Variants in NALF1 observed in about 807,000 individuals in gnomAD.
NALF1 encodes family with sequence similarity 155 member A.
A neutral mutation model predicts 48.4 loss-of-function variants in NALF1; 3 were observed. The observed-to-expected ratio is 0.06, with a 90% CI of 0.03 to 0.16. NALF1 has a LOEUF of 0.16. NALF1 is among the 10% of genes least tolerant of loss of function. The probability of loss-of-function intolerance (pLI) is 1.00; values close to 1 mark genes in which losing one functional copy is unlikely to be tolerated. For missense variants in NALF1, 526 were observed against 571.5 expected, an observed-to-expected ratio of 0.92 and a Z score of 0.81; for synonymous variants, 262 against 245.7, an observed-to-expected ratio of 1.07 and a Z score of -0.62.
At position 107,720,694 on chromosome 13, in the gene NALF1, T is replaced by C. The variant is rs115790667; in HGVS notation, c.915+144988A>G. On this transcript the variant is annotated intron_variant, in intron 1 of 2. Transcript: ENST00000375915. ...AAAGGAACTTAGCTAGGGAACCAGA[T>C]AGAATTTGTTATTTTCACAAGCATT... Among the ~76,000 whole-genome samples, 1,069 of 152,138 alleles carry C rather than the reference T, an allele frequency of 7.0e-3. 14 individuals carry two copies. Among genetic ancestry groups the C allele is most frequent in the African/African-American group, 0.024 (1,013 of 41,502 alleles).
At chr13:107,332,915 G>A (rs1032840389) in intron 1 of NALF1, among the ~76,000 whole-genome samples, 2 of 151,954 alleles carry the variant, frequency 1.3e-5, no homozygotes, top group East Asian at 1.9e-4. Context: ...GCATGATCTC[G>A]GCTCATTGCA....
intron 1 of NALF1, among the ~76,000 whole-genome samples, chr13:107,252,921 A>G (rs1289461819): frequency 6.6e-6 from 1 of 152,238 alleles, no homozygotes; most frequent in Non-Finnish European, 1.5e-5. Flanking sequence ...ATATTTTAAT[A>G]TCACTTAGAA....
intron 1 of NALF1, among the ~76,000 whole-genome samples, chr13:107,680,622 ATGTT>A (rs1038814640): frequency 6.2e-4 from 63 of 101,456 alleles, no homozygotes; most frequent in African/African-American, 1.2e-3. Context: ...GTGAGGGTGT[ATGTT>A]TGTGAGAGTG....
intron 1 of NALF1, among the ~76,000 whole-genome samples, chr13:107,613,988 T>C (rs906449217): frequency 2.6e-5 from 4 of 152,172 alleles, no homozygotes; most frequent in African/African-American, 7.2e-5. Flanking sequence ...GATAAGAAAA[T>C]TGATACTCAG....
chr13:107,649,667 A>G (rs1313010233), intron 1 of NALF1, among the ~76,000 whole-genome samples: 1 of 152,242 alleles, frequency 6.6e-6, no homozygotes, highest in African/African-American at 2.4e-5. Flanking sequence ...CACAGAAAAT[A>G]AAAACAGTGT....
At chr13:107,302,042 C>G (rs1313023679) in intron 1 of NALF1, among the ~76,000 whole-genome samples, 1 of 152,172 alleles carries the variant, frequency 6.6e-6, no homozygotes, top group African/African-American at 2.4e-5. Flanking sequence ...GGGCTCTTCT[C>G]TCATAAATGG....
At chr13:107,430,806 T>C (rs1471900581) in intron 1 of NALF1, among the ~76,000 whole-genome samples, 1 of 152,164 alleles carries the variant, frequency 6.6e-6, no homozygotes, top group African/African-American at 2.4e-5. Flanking sequence ...GTCCTTTGGG[T>C]ATATACCCAG....
rs1194810672 is a variant in NALF1, at chr13:107,165,717, C to T, written c.*4780G>A. The T allele has an allele frequency of 6.6e-6, 1 of 152,082 alleles. No individual in the cohort carries two copies. The highest frequency in any genetic ancestry group is 2.4e-5 in the African/African-American group (1 of 41,404). The allele number at this position is 152,082 out of a possible 1,614,324, so 9.4% of individuals were successfully genotyped here. ...ACTATACTTAGTTATTTTCCTTCCC[C>T]CCCACTGAAAGTCTTTTTATTCATT... is the stretch of plus-strand genomic sequence containing the variant. On this transcript the variant is annotated 3_prime_UTR_variant, in exon 3 of 3. Coordinates refer to ENST00000375915, the MANE Select transcript of NALF1 (RefSeq NM_001080396.3).
At chr13:107,627,199 A>T (rs12428944) in intron 1 of NALF1, among the ~76,000 whole-genome samples, 3 of 152,112 alleles carry the variant, frequency 2.0e-5, no homozygotes, top group East Asian at 1.9e-4. Context: ...TACATAGAAA[A>T]TATGTTATGA....
chr13:107,835,996 GTT>G (rs1224099526), intron 1 of NALF1, among the ~76,000 whole-genome samples: 1 of 151,902 alleles, frequency 6.6e-6, no homozygotes. Context: ...TGTTGTTTTT[GTT>G]TTTTTCTTTT....
chr13:107,567,435 T>C (rs994210314), intron 1 of NALF1, among the ~76,000 whole-genome samples: 5 of 152,246 alleles, frequency 3.3e-5, no homozygotes, highest in African/African-American at 1.2e-4. Context: ...ATTGGCCTGA[T>C]TGTCTACTTG....
chr13:107,776,071 C>T (rs1333627231), intron 1 of NALF1, among the ~76,000 whole-genome samples: 2 of 152,122 alleles, frequency 1.3e-5, no homozygotes, highest in African/African-American at 4.8e-5. Context: ...CATGGCATGG[C>T]CAACAGCTGT....
chr13:107,522,374 A>G (rs1050019818), intron 1 of NALF1, among the ~76,000 whole-genome samples: 2 of 152,040 alleles, frequency 1.3e-5, no homozygotes, highest in African/African-American at 2.4e-5. Flanking sequence ...TCTCTCCAAT[A>G]TAGTTTTAGG....
chr13:107,511,051 C>T (rs990530112), intron 1 of NALF1, among the ~76,000 whole-genome samples: 32 of 152,148 alleles, frequency 2.1e-4, no homozygotes, highest in Non-Finnish European at 5.9e-5. Flanking sequence ...CGTCTGAGTC[C>T]TCCTAATACC....
chr13:107,525,106 C>T (rs1009407043), intron 1 of NALF1, among the ~76,000 whole-genome samples: 1 of 152,020 alleles, frequency 6.6e-6, no homozygotes, highest in Non-Finnish European at 1.5e-5. Context: ...TATATGAACC[C>T]CTATTTTTTA....
chr13:107,594,406 C>A (rs927962419), intron 1 of NALF1, among the ~76,000 whole-genome samples: 3 of 151,970 alleles, frequency 2.0e-5, no homozygotes, highest in Non-Finnish European at 2.9e-5. Flanking sequence ...ATCAATATTA[C>A]CAATCTCTCC....
At chr13:107,288,722 G>A (rs138212855) in intron 1 of NALF1, among the ~76,000 whole-genome samples, 4,673 of 151,140 alleles carry the variant, frequency 0.031, 70 homozygotes, top group Middle Eastern at 0.063. Flanking sequence ...TAGTAGAGTC[G>A]GGGTTTCGCC....
At chr13:107,416,179 T>TG in intron 1 of NALF1, among the ~76,000 whole-genome samples, 1 of 149,452 alleles carries the variant, frequency 6.7e-6, no homozygotes. Context: ...GCTAAATTTT[T>TG]TTTTTTTTTG....
intron 2 of NALF1, among the ~76,000 whole-genome samples, chr13:107,191,240 C>T (rs1225885926): frequency 6.6e-6 from 1 of 150,506 alleles, no homozygotes; most frequent in East Asian, 2.0e-4. Context: ...ATGGAAAGGA[C>T]TCTGATAATG....
Sources: gnomAD v4.1 joint callset for allele counts (sites outside exome capture counted in the v4.1 genomes callset) on GRCh38, gnomAD v4.1.1 for gene constraint, MANE v1.5 for transcripts, NCBI Gene and HGNC (gene_info 2026-07-23, HGNC 2026-07-21) for gene names.